Variants in PGS1 observed in about 807,000 individuals in gnomAD.
The protein encoded by PGS1 is CDP-diacylglycerol--glycerol-3-phosphate 3-phosphatidyltransferase, mitochondrial.
A neutral mutation model predicts 58.3 loss-of-function variants in PGS1; 44 were observed. That is an observed-to-expected ratio of 0.75 (90% CI 0.59 to 0.97). The LOEUF (loss-of-function observed/expected upper bound fraction) is 0.97, where lower values mean the gene tolerates loss of function less well. Among genes scored for constraint, PGS1 ranks in the 50% least tolerant of loss-of-function variants. The pLI, the probability that PGS1 is intolerant of heterozygous loss-of-function variation, is 0.00. For synonymous variants in PGS1, 330 were observed against 311.0 expected (o/e 1.06, Z -0.64); for missense variants, 684 against 731.1 (o/e 0.94, Z 0.74).
At chr17:78,419,718 G>T in intron 9 of PGS1, 43 bp downstream of exon 9, 2 of 1,607,156 alleles carry the variant, frequency 1.2e-6, no homozygotes, top group Non-Finnish European at 1.7e-6. Context: ...TTTCCCGAGA[G>T]TTCACAGGTG....
rs78023288 is a variant in PGS1, at chr17:78,424,004, T to C, written c.*11-57T>C. 6,005 of 1,614,026 alleles carry C rather than the reference T, an allele frequency of 3.7e-3. 254 individuals carry two copies. In the East Asian group the frequency reaches 0.096, roughly 26 times the overall value. On this transcript the variant is annotated intron_variant, in intron 9 of 9. Coordinates refer to ENST00000262764, the MANE Select transcript of PGS1 (RefSeq NM_024419.5). ...GTCCAGACATAGGTGGGGCCGCGGA[T>C]GCGTGTTTTGTACACGGGACACTCA...
chr17:78,407,904 T>A (rs746498373), intron 7 of PGS1, among the ~76,000 whole-genome samples: 1 of 152,252 alleles, frequency 6.6e-6, no homozygotes, highest in Non-Finnish European at 1.5e-5. Flanking sequence ...TGGATTTCAG[T>A]GCAGTCTGGT....
intron 9 of PGS1, among the ~76,000 whole-genome samples, chr17:78,423,486 A>G (rs551255183): frequency 4.1e-4 from 62 of 152,272 alleles, no homozygotes; most frequent in Non-Finnish European, 7.2e-4. Flanking sequence ...GGTGGTTTGC[A>G]TGAAGCATCA....
Position 78,400,582 on chromosome 17 carries a change from C to A in PGS1, c.702-95C>A, listed in dbSNP as rs192879309. 25 of 996,092 alleles carry A rather than the reference C, an allele frequency of 2.5e-5. No individual in the cohort carries two copies. The African/African-American group carries it at 3.5e-4, about 14-fold the overall frequency. The allele number at this position is 996,092 out of a possible 1,614,324, so 61.7% of individuals were successfully genotyped here. On this transcript the variant is annotated intron_variant, in intron 5 of 9. Coordinates refer to ENST00000262764, the MANE Select transcript of PGS1 (RefSeq NM_024419.5). This position sits in a 1 kb window ranked among gnomAD's most constrained non-coding sequence, Gnocchi z 4.4. ...ACTGCATCTTGACCTGAGTTTGTCA[C>A]CCCCCTGCTAGTTCACCTGAGACCT...
At chr17:78,379,623 T>C (rs2081892458) in intron 1 of PGS1, among the ~76,000 whole-genome samples, 1 of 151,896 alleles carries the variant, frequency 6.6e-6, no homozygotes, top group African/African-American at 2.4e-5. Context: ...GTCAGGAGTT[T>C]AAGACCAGCC....
intron 1 of PGS1, among the ~76,000 whole-genome samples, chr17:78,383,082 A>G (rs957923871): frequency 6.6e-6 from 1 of 152,034 alleles, no homozygotes; most frequent in African/African-American, 2.4e-5. Flanking sequence ...TTTTTAAACT[A>G]TTTTTAAGTT....
At chr17:78,418,086 C>T (rs1376635238) in intron 8 of PGS1, among the ~76,000 whole-genome samples, 2 of 151,634 alleles carry the variant, frequency 1.3e-5, no homozygotes, top group South Asian at 2.1e-4. Flanking sequence ...CATGCCATCA[C>T]GCCCGGCTAA....
intron 1 of PGS1, among the ~76,000 whole-genome samples, chr17:78,380,006 A>G (rs1473939815): frequency 6.6e-6 from 1 of 151,592 alleles, no homozygotes; most frequent in Non-Finnish European, 1.5e-5. Flanking sequence ...AGCTGGGATT[A>G]CAGACATAAG....
intron 1 of PGS1, among the ~76,000 whole-genome samples, chr17:78,384,570 A>G (rs1011237033): frequency 4.6e-5 from 7 of 152,106 alleles, no homozygotes; most frequent in Non-Finnish European, 1.0e-4. Flanking sequence ...GCTCCAGGCC[A>G]CAGAGTCTGT....
chr17:78,397,982 G>T, intron 3 of PGS1: 1 of 548,020 alleles, frequency 1.8e-6, no homozygotes, highest in Non-Finnish European at 3.5e-6. Flanking sequence ...AGGGTGGCAC[G>T]GGCTGGCTGT....
intron 2 of PGS1, among the ~76,000 whole-genome samples, chr17:78,396,019 C>T (rs1380102702): frequency 2.6e-5 from 4 of 152,254 alleles, no homozygotes; most frequent in African/African-American, 4.8e-5. Flanking sequence ...GGATTATAGG[C>T]GTGAGCCACT....
chr17:78,410,630 T>C lies in PGS1; in HGVS notation c.1403-4249T>C, dbSNP rs541795884. 1.6e-3 allele frequency among the ~76,000 whole-genome samples: 245 copies of C among 151,924 alleles called. 1 individual carries two copies. Among genetic ancestry groups the C allele is most frequent in the South Asian group, 0.011 (53 of 4,798 alleles). ...CTGGGATTACAGGCACGCACCAGAA[T>C]GCCCAGCTAGTTTTTGTATTTTTAG... is the stretch of plus-strand genomic sequence containing the variant. On this transcript the variant is annotated intron_variant, in intron 7 of 9. Coordinates refer to ENST00000262764, the MANE Select transcript of PGS1 (RefSeq NM_024419.5).
rs779169146 is a variant in PGS1 at position 78,403,884 on chromosome 17, C to T, written c.1197C>T (p.Val399=). ...TGACCCAGGCCTACATGGACCTGGT[C>T]TTGGGCACTCGGGCTGAGTACCAGA... The part of the protein sequence containing the change: ...FNLTQAYMDL[V]LGTRAEYQIL... The change falls in exon 7 of 10, where the codon GTC becomes GTT. Residue 399 remains valine, a synonymous_variant. Transcript: ENST00000262764. The T allele has an allele frequency of 2.5e-6, 4 of 1,614,038 alleles. No homozygotes were observed. The highest frequency in any genetic ancestry group is 3.4e-6 in the Non-Finnish European group (4 of 1,179,956).
At chr17:78,413,222 T>G (rs1423718890) in intron 7 of PGS1, among the ~76,000 whole-genome samples, 1 of 152,244 alleles carries the variant, frequency 6.6e-6, no homozygotes, top group South Asian at 2.1e-4. Context: ...TCGTCACCTC[T>G]TACCCAAGAT....
Position 78,400,577 on chromosome 17 carries a change from T to G in PGS1, c.702-100T>G. On this transcript the variant is annotated intron_variant, in intron 5 of 9. Transcript: ENST00000262764. The surrounding 1 kb of genome is among the most constrained non-coding windows in gnomAD (Gnocchi z 4.4). ...TGTTAACTGCATCTTGACCTGAGTT[T>G]GTCACCCCCCTGCTAGTTCACCTGA... is the stretch of plus-strand genomic sequence containing the variant. 1 of 933,500 alleles carries G rather than the reference T, an allele frequency of 1.1e-6. No homozygotes were observed. The highest frequency in any genetic ancestry group is 1.4e-5 in the South Asian group (1 of 69,678). The allele number at this position is 933,500 out of a possible 1,614,324, so 57.8% of individuals were successfully genotyped here.
Position 78,403,650 on chromosome 17 carries a change from G to A in PGS1, c.963G>A (p.Leu321=). Residue 321 remains leucine (L), a synonymous_variant, in exon 7 of 10, where the codon CTG becomes CTA. Transcript: ENST00000262764. The stretch of plus-strand genomic sequence containing the variant: ...CAGCCAGGACCCGCCAGCAGATGCT[G>A]CATGCCCAGACCTTCCACAGCAACT... ...INSARTRQQM[L]HAQTFHSNSL... is the part of the protein sequence containing the mutation. 1 of 1,614,198 alleles carries A rather than the reference G, an allele frequency of 6.2e-7. No homozygotes were observed. Among genetic ancestry groups the A allele is most frequent in the Non-Finnish European group, 8.5e-7 (1 of 1,180,050 alleles).
intron 8 of PGS1, among the ~76,000 whole-genome samples, chr17:78,415,818 A>T (rs2146320366): frequency 6.6e-6 from 1 of 152,156 alleles, no homozygotes; most frequent in South Asian, 2.1e-4. Context: ...TTTGTCTGAG[A>T]CCTCGATGGT....
rs1450433492 is a variant in PGS1 at position 78,415,043 on chromosome 17, T to C, written c.1551+16T>C. The C allele has an allele frequency of 1.9e-6, 3 of 1,607,358 alleles. No individual in the cohort carries two copies. Among genetic ancestry groups the C allele is most frequent in the Non-Finnish European group, 2.5e-6 (3 of 1,178,688 alleles). On this transcript the variant is annotated intron_variant, in intron 8 of 9. Transcript: ENST00000262764. ...GCTTCACCAGGTTGGTCGCAGCAAG[T>C]GGGATTTCCCAGGGCGCTGAGGGTG...
intron 7 of PGS1, among the ~76,000 whole-genome samples, chr17:78,412,029 C>G (rs1485847430): frequency 6.9e-6 from 1 of 144,546 alleles, no homozygotes; most frequent in African/African-American, 2.6e-5. Flanking sequence ...GATTCCCCTT[C>G]TCCCGTTGGA....
Sources: gnomAD v4.1 joint callset for allele counts (sites outside exome capture counted in the v4.1 genomes callset) on GRCh38, gnomAD v4.1.1 for gene constraint, Gnocchi (gnomAD v3.1) non-coding constraint, MANE v1.5 for transcripts, NCBI Gene and HGNC (gene_info 2026-07-23, HGNC 2026-07-21) for gene names.